Variants in ATP2A2 observed in about 807,000 individuals in gnomAD.
ATP2A2 encodes the protein ATPase sarcoplasmic/endoplasmic reticulum Ca2+ transporting 2.
In ATP2A2, 14 loss-of-function variants were observed where a neutral mutation model predicts 109.3. The observed-to-expected ratio is 0.13, with a 90% confidence interval of 0.08 to 0.20. The LOEUF is 0.20. ATP2A2 is among the 10% of genes least tolerant of loss of function. The pLI is 1.00. For missense variants in ATP2A2, 657 were observed against 1,321.6 expected, an observed-to-expected ratio of 0.50 and a Z score of 7.80; for synonymous variants, 506 against 490.9, an observed-to-expected ratio of 1.03 and a Z score of -0.41.
At position 110,339,411 on chromosome 12, in the gene ATP2A2, T is replaced by C. The variant is rs775652178; in HGVS notation, c.1542+8T>C. On this transcript the variant is annotated splice_region_variant and intron_variant, in intron 12 of 19. Coordinates refer to ENST00000539276, the MANE Select transcript of ATP2A2 (RefSeq NM_170665.4). The surrounding 1 kb of genome is among the most constrained non-coding windows in gnomAD (Gnocchi z 4.4). ...AGCAAGATGTTTGTGAAGGCAAGTA[T>C]GGCAGATTGCAATTGAGATGTTCTT... 6.2e-7 allele frequency: 1 copy of C among 1,614,228 alleles called. No homozygotes were observed. Among genetic ancestry groups the C allele is most frequent in the East Asian group, 2.2e-5 (1 of 44,890 alleles).
intron 5 of ATP2A2, among the ~76,000 whole-genome samples, chr12:110,297,996 A>C (rs1367455787): frequency 6.6e-6 from 1 of 152,096 alleles, no homozygotes; most frequent in Non-Finnish European, 1.5e-5. Flanking sequence ...TCACTTAGAG[A>C]GTCATTGCAT....
chr12:110,332,019 A>G (rs754635750), intron 8 of ATP2A2: 6 of 169,668 alleles, frequency 3.5e-5, no homozygotes, highest in Non-Finnish European at 7.7e-5. Flanking sequence ...GTATACATAT[A>G]GTTATGCAGC....
intron 5 of ATP2A2, among the ~76,000 whole-genome samples, chr12:110,302,173 C>T (rs185356711): frequency 1.3e-5 from 2 of 152,232 alleles, no homozygotes; most frequent in Non-Finnish European, 2.9e-5. Context: ...TTTAAGCGTG[C>T]AGTTCTGTGG....
rs1592861266 is a variant in ATP2A2 at position 110,340,865 on chromosome 12, G to A, written c.1968G>A (p.Glu656=). The A allele has an allele frequency of 6.2e-7, 1 of 1,614,238 alleles. No individual in the cohort carries two copies. Among genetic ancestry groups the A allele is most frequent in the Non-Finnish European group, 8.5e-7 (1 of 1,180,048 alleles). Residue 656 remains glutamate (E), a synonymous_variant, in exon 14 of 20, where the codon GAG becomes GAA. Transcript: ENST00000539276. This position sits in a 1 kb window ranked among gnomAD's most constrained non-coding sequence, Gnocchi z 6.0. ...CGTCAAAAGCTTTCACAGGCCGGGA[G>A]TTTGATGAACTCAACCCCTCCGCCC... ...DVTSKAFTGR[E]FDELNPSAQR...
intron 3 of ATP2A2, among the ~76,000 whole-genome samples, chr12:110,284,780 T>G (rs1419628284): frequency 6.6e-6 from 1 of 152,218 alleles, no homozygotes; most frequent in Non-Finnish European, 1.5e-5. Flanking sequence ...ATTTTTATTT[T>G]ATGAGTTGGT....
intron 5 of ATP2A2, among the ~76,000 whole-genome samples, chr12:110,320,069 C>T (rs770289425): frequency 6.6e-6 from 1 of 152,122 alleles, no homozygotes; most frequent in Non-Finnish European, 1.5e-5. Flanking sequence ...CAGTGTTACC[C>T]AGGAAATTTA....
At chr12:110,337,939 A>AG (rs1458023717) in intron 11 of ATP2A2, among the ~76,000 whole-genome samples, 2 of 152,238 alleles carry the variant, frequency 1.3e-5, no homozygotes, top group Non-Finnish European at 2.9e-5. Flanking sequence ...CTGGAAGAGA[A>AG]GGGGTATCTT....
At chr12:110,334,333 C>T in intron 11 of ATP2A2, 190 bp downstream of exon 11, 3 of 749,446 alleles carry the variant, frequency 4.0e-6, no homozygotes, top group Admixed American at 2.3e-5. Context: ...AAAATAAAAG[C>T]AATCAATAGC....
rs575869383 is a variant in ATP2A2 at position 110,335,470 on chromosome 12, G to A, written c.1419+1327G>A. 1.1e-4 allele frequency among the ~76,000 whole-genome samples: 17 copies of A among 152,240 alleles called. No homozygotes were observed. The Middle Eastern group carries it at 0.017, about 152-fold the overall frequency. On this transcript the variant is annotated intron_variant, in intron 11 of 19. Transcript: ENST00000539276. ...CTTGAGGCCTAGAGTTTAGGTTGCAGCATCACTGCACTTGAGCCTGGGCAA... is the reference window on the plus strand; with the variant it reads ...CTTGAGGCCTAGAGTTTAGGTTGCAACATCACTGCACTTGAGCCTGGGCAA...
rs780637291 is a variant in ATP2A2 at position 110,350,123 on chromosome 12, C to T, written c.*3653C>T. Reference sequence around the variant, plus strand: ...GCTTCTAGATGCTACCCTGTGTGGGCGGCACCTCAGGGACAGTAAATCAGA... The same window carrying T: ...GCTTCTAGATGCTACCCTGTGTGGGTGGCACCTCAGGGACAGTAAATCAGA... On this transcript the variant is annotated 3_prime_UTR_variant, in exon 20 of 20. Transcript: ENST00000539276. 262 of 1,506,152 alleles carry T rather than the reference C, an allele frequency of 1.7e-4. No individual in the cohort carries two copies. The highest frequency in any genetic ancestry group is 2.4e-4 in the African/African-American group (17 of 72,080). 93.3% of individuals were successfully genotyped at this position (1,506,152 alleles called of 1,614,324 possible).
At position 110,339,258 on chromosome 12, in the gene ATP2A2, A is replaced by T; in HGVS notation, c.1420-23A>T. The T allele has an allele frequency of 6.2e-7, 1 of 1,613,586 alleles. No individual in the cohort carries two copies. Among genetic ancestry groups the T allele is most frequent in the Non-Finnish European group, 8.5e-7 (1 of 1,179,964 alleles). ...AGTTCAGAAATTGCCACCCAGTAGT[A>T]TCCATATTTGTTCCCTTTGTAGGTC... is the stretch of plus-strand genomic sequence containing the variant. On this transcript the variant is annotated intron_variant, in intron 11 of 19. Coordinates refer to ENST00000539276, the MANE Select transcript of ATP2A2 (RefSeq NM_170665.4). This position sits in a 1 kb window ranked among gnomAD's most constrained non-coding sequence, Gnocchi z 4.4.
Position 110,347,116 on chromosome 12 carries a change from A to G in ATP2A2, c.*646A>G, listed in dbSNP as rs938150364. The G allele has an allele frequency of 1.7e-6, 2 of 1,152,320 alleles. No homozygotes were observed. The highest frequency in any genetic ancestry group is 1.7e-5 in the African/African-American group (1 of 59,548). The allele number at this position is 1,152,320 out of a possible 1,614,324, so 71.4% of individuals were successfully genotyped here. ...CGTTCTGTTTACATCAGTTTTAACG[A>G]GAGGTATGCCTGTACTCGCTTGTGC... is the stretch of plus-strand genomic sequence containing the variant. On this transcript the variant is annotated 3_prime_UTR_variant, in exon 20 of 20. Coordinates refer to ENST00000539276, the MANE Select transcript of ATP2A2 (RefSeq NM_170665.4).
At position 110,334,148 on chromosome 12, in the gene ATP2A2, G is replaced by GTA; in HGVS notation, c.1419+7_1419+8dup. 1 of 1,613,748 alleles carries GTA rather than the reference G, an allele frequency of 6.2e-7. No individual in the cohort carries two copies. Among genetic ancestry groups the GTA allele is most frequent in the Non-Finnish European group, 8.5e-7 (1 of 1,180,018 alleles). ...CGTGCAAATGCCTGCAACTCAGTGA[G>GTA]TATTTGAACCTGGTTTATTGTTCAT... On this transcript the variant is annotated splice_donor_region_variant and intron_variant, in intron 11 of 19. Coordinates refer to ENST00000539276, the MANE Select transcript of ATP2A2 (RefSeq NM_170665.4).
Position 110,332,648 on chromosome 12 carries a change from A to T in ATP2A2, c.1147A>T (p.Thr383Ser), listed in dbSNP as rs1307300658. The change falls in exon 9 of 20, where the codon ACC (threonine) becomes TCC (serine). Residue 383 changes from threonine (T) to serine (S), a missense_variant. Thr to Ser is a moderately conservative substitution (Grantham distance 58). Transcript: ENST00000539276. ...EGDTCSLNEF[T>S]ITGSTYAPIG... ...TGATACTTGTTCCCTTAATGAGTTT[A>T]CCATAACTGGATCAACTTATGCACC... 6.2e-7 allele frequency: 1 copy of T among 1,613,710 alleles called. No individual in the cohort carries two copies. Among genetic ancestry groups the T allele is most frequent in the Non-Finnish European group, 8.5e-7 (1 of 1,179,712 alleles).
chr12:110,350,235 T>C lies in ATP2A2; in HGVS notation c.*3765T>C, dbSNP rs1188331460. On this transcript the variant is annotated 3_prime_UTR_variant, in exon 20 of 20. Coordinates refer to ENST00000539276, the MANE Select transcript of ATP2A2 (RefSeq NM_170665.4). ...GATCTTCATCTATTTAAATAGGTAT[T>C]CTAACGTTTCCTCTCTGTATTTCAT... 6.2e-7 allele frequency: 1 copy of C among 1,614,172 alleles called. No homozygotes were observed. The highest frequency in any genetic ancestry group is 1.6e-4 in the Middle Eastern group (1 of 6,062).
At chr12:110,319,223 G>GAAAAAAAAAAAAAAAAAAAAAAAAAAA (rs59623372) in intron 5 of ATP2A2, among the ~76,000 whole-genome samples, 1 of 63,452 alleles carries the variant, frequency 1.6e-5, no homozygotes, top group Non-Finnish European at 3.0e-5. Context: ...AATAAAAAAT[G>GAAAAAAAAAAAAAAAAAAAAAAAAAAA]AAAAAAAAAA....
chr12:110,293,871 T>TATATATATATATATATA (rs1491495436), intron 4 of ATP2A2, among the ~76,000 whole-genome samples: 15 of 79,488 alleles, frequency 1.9e-4, no homozygotes, highest in Non-Finnish European at 2.7e-4. Context: ...TGTGTATATA[T>TATATATATATATATATA]TTTTTTTTTT....
chr12:110,350,499 A>G lies in ATP2A2; in HGVS notation c.*4029A>G. ...GGGTTGTTAGCTTTTAAATCAAAAT[A>G]CTGATTACAGATGTACAATTTAGCT... On this transcript the variant is annotated 3_prime_UTR_variant, in exon 20 of 20. Transcript: ENST00000539276. 1.2e-6 allele frequency: 1 copy of G among 839,592 alleles called. No individual in the cohort carries two copies. The highest frequency in any genetic ancestry group is 1.7e-5 in the South Asian group (1 of 58,400). The allele number at this position is 839,592 out of a possible 1,614,324, so 52.0% of individuals were successfully genotyped here.
chr12:110,283,084 CT>C (rs1289533578), intron 3 of ATP2A2, among the ~76,000 whole-genome samples: 1 of 152,146 alleles, frequency 6.6e-6, no homozygotes, highest in African/African-American at 2.4e-5. Context: ...TCAAAAAGTT[CT>C]TTTCTGGGAA....
Sources: gnomAD v4.1 joint callset for allele counts (sites outside exome capture counted in the v4.1 genomes callset) on GRCh38, gnomAD v4.1.1 for gene constraint, Gnocchi (gnomAD v3.1) non-coding constraint, MANE v1.5 for transcripts, NCBI Gene and HGNC (gene_info 2026-07-23, HGNC 2026-07-21) for gene names.